Variants in ADHFE1 observed in about 807,000 individuals in gnomAD.
ADHFE1 encodes alcohol dehydrogenase iron containing 1, also known as hydroxyacid-oxoacid transhydrogenase, mitochondrial.
Under a neutral mutation model 54.8 loss-of-function variants are expected in ADHFE1, and 37 were observed. The ratio of observed to expected loss-of-function variants is 0.68; its 90% CI spans 0.52 to 0.89. The LOEUF is 0.89. Ranked by LOEUF, ADHFE1 falls within the 40% of genes least tolerant of loss-of-function variation. The probability of loss-of-function intolerance (pLI) is 0.00; values close to 1 mark genes in which losing one functional copy is unlikely to be tolerated. For missense variants in ADHFE1, 601 were observed against 591.2 expected, an observed-to-expected ratio of 1.02 and a Z score of -0.17; for synonymous variants, 203 against 229.3, an observed-to-expected ratio of 0.89 and a Z score of 1.04.
rs745324789 is a variant in ADHFE1 at position 66,448,878 on chromosome 8, A to G, written c.642A>G (p.Arg214=). ...HLKVKIGITS[R]AIKPTLGLID... Reference sequence around the variant, plus strand: ...CTTATGTTTTAGGCATCACTTCGAGAGCCATCAAACCCACACTGGGACTGA... The same window carrying G: ...CTTATGTTTTAGGCATCACTTCGAGGGCCATCAAACCCACACTGGGACTGA... Residue 214 remains arginine (R), a synonymous_variant, in exon 8 of 14, where the codon AGA becomes AGG. Coordinates refer to ENST00000396623, the MANE Select transcript of ADHFE1 (RefSeq NM_144650.3). 1.2e-6 allele frequency: 2 copies of G among 1,614,106 alleles called. No individual in the cohort carries two copies. Among genetic ancestry groups the G allele is most frequent in the Non-Finnish European group, 1.7e-6 (2 of 1,180,012 alleles).
At chr8:66,435,452 C>T (rs2130328210) in intron 1 of ADHFE1, among the ~76,000 whole-genome samples, 1 of 152,230 alleles carries the variant, frequency 6.6e-6, no homozygotes, top group South Asian at 2.1e-4. Flanking sequence ...TGGCCCCTTC[C>T]TCCATCTTCA....
chr8:66,451,802 G>A (rs1806315808), intron 8 of ADHFE1, 151 bp from the exon 9 acceptor site: 1 of 785,246 alleles, frequency 1.3e-6, no homozygotes, highest in Non-Finnish European at 1.9e-6. Context: ...GGCAAGAGGT[G>A]GGCTGGTAGA....
chr8:66,438,405 G>A (rs1342229336), intron 1 of ADHFE1, among the ~76,000 whole-genome samples: 1 of 152,176 alleles, frequency 6.6e-6, no homozygotes, highest in African/African-American at 2.4e-5. Context: ...AATGGGCAGA[G>A]TGGAAAAGGA....
intron 1 of ADHFE1, among the ~76,000 whole-genome samples, chr8:66,436,808 C>T (rs560404468): frequency 6.6e-6 from 1 of 152,148 alleles, no homozygotes; most frequent in South Asian, 2.1e-4. Flanking sequence ...GGTCAGGAGT[C>T]AAAATCATGA....
At position 66,448,869 on chromosome 8, in the gene ADHFE1, C is replaced by G. The variant is rs1485268158; in HGVS notation, c.633C>G (p.Ile211Met). 3 of 1,613,626 alleles carry G rather than the reference C, an allele frequency of 1.9e-6. No individual in the cohort carries two copies. ...DYEHLKVKIG[I>M]TSRAIKPTLG... is the part of the protein sequence containing the mutation. ...CTGAAAATCCTTATGTTTTAGGCAT[C>G]ACTTCGAGAGCCATCAAACCCACAC... Residue 211 changes from isoleucine to methionine, a missense_variant, in exon 8 of 14, where the codon ATC becomes ATG. Coordinates refer to ENST00000396623, the MANE Select transcript of ADHFE1 (RefSeq NM_144650.3).
chr8:66,457,050 C>G lies in ADHFE1; in HGVS notation c.1066-20C>G, dbSNP rs775381040. On this transcript the variant is annotated intron_variant, in intron 11 of 13. Transcript: ENST00000396623. ...AACAGCTTTGTCATCTGCCGGTCAC[C>G]GCATTTCGTTTCTCCCCAGCCCCAT... 6.2e-7 allele frequency: 1 copy of G among 1,607,338 alleles called. No homozygotes were observed. The highest frequency in any genetic ancestry group is 2.2e-5 in the East Asian group (1 of 44,832).
chr8:66,452,031 G>A lies in ADHFE1; in HGVS notation c.813G>A (p.Ala271=), dbSNP rs142276390. 540 of 1,614,182 alleles carry A rather than the reference G, an allele frequency of 3.3e-4. 2 individuals are homozygous for A. In the African/African-American group the frequency reaches 6.3e-3, roughly 19 times the overall value. Residue 271 remains alanine, a synonymous_variant, in exon 9 of 14, where the codon GCG becomes GCA. Transcript: ENST00000396623. ...CTTCAAATCCCATCACACGGCCTGCGTACCAGGGCAGCAACCCAATCAGTG... is the reference window on the plus strand; with the variant it reads ...CTTCAAATCCCATCACACGGCCTGCATACCAGGGCAGCAACCCAATCAGTG... ...PCPSNPITRP[A]YQGSNPISDI... is the part of the protein sequence containing the mutation.
chr8:66,463,456 G>A (rs1486716371), intron 13 of ADHFE1, among the ~76,000 whole-genome samples: 2 of 152,180 alleles, frequency 1.3e-5, no homozygotes, highest in African/African-American at 4.8e-5. Flanking sequence ...TCATGATTCA[G>A]AGAAATATAG....
chr8:66,452,218 C>T (rs914069368), intron 9 of ADHFE1, 113 bp downstream of exon 9: 44 of 1,395,170 alleles, frequency 3.2e-5, no homozygotes, highest in Non-Finnish European at 4.0e-5. Flanking sequence ...TCCAGAAAAG[C>T]AGTCAGTGGA....
At position 66,439,129 on chromosome 8, in the gene ADHFE1, C is replaced by G; in HGVS notation, c.60-1033C>G. ...ACTCGCGCCAGCTCTCACTCGCCCC[C>G]GCGTCTGCTTTGACTTCGCAGTTCG... is the stretch of plus-strand genomic sequence containing the variant. On this transcript the variant is annotated intron_variant, in intron 1 of 13. Transcript: ENST00000396623. The surrounding 1 kb of genome is among the most constrained non-coding windows in gnomAD (Gnocchi z 4.4). The G allele has an allele frequency of 1.1e-6, 1 of 946,322 alleles. No homozygotes were observed. Among genetic ancestry groups the G allele is most frequent in the Non-Finnish European group, 1.3e-6 (1 of 794,370 alleles). The allele number at this position is 946,322 out of a possible 1,614,324, so 58.6% of individuals were successfully genotyped here.
intron 13 of ADHFE1, among the ~76,000 whole-genome samples, chr8:66,462,321 C>G (rs1013651436): frequency 2.6e-5 from 4 of 152,200 alleles, no homozygotes; most frequent in African/African-American, 9.7e-5. Context: ...ATAATCACAG[C>G]TCACCACAGC....
At chr8:66,453,972 C>A (rs1258978076) in intron 9 of ADHFE1, 87 bp from the exon 10 acceptor site, 11 of 1,532,844 alleles carry the variant, frequency 7.2e-6, no homozygotes, top group African/African-American at 1.4e-5. Context: ...CTTTTTTTTT[C>A]ACCATATCTT....
intron 2 of ADHFE1, among the ~76,000 whole-genome samples, chr8:66,442,399 C>A (rs1805802565): frequency 2.0e-5 from 3 of 151,434 alleles, no homozygotes; most frequent in South Asian, 2.1e-4. Context: ...CAAGCTCCAC[C>A]TCCCAGGTTC....
Position 66,468,572 on chromosome 8 carries a change from C to A in ADHFE1, c.*220C>A. ...GACCACTATGTTAGACCCCCAGGCT[C>A]GACTTCAGGGGTCAGTGTTCCTGTC... On this transcript the variant is annotated 3_prime_UTR_variant, in exon 14 of 14. Transcript: ENST00000396623. 3.4e-6 allele frequency: 1 copy of A among 294,704 alleles called. No individual in the cohort carries two copies. The highest frequency in any genetic ancestry group is 6.3e-6 in the Non-Finnish European group (1 of 158,790). 18.3% of individuals were successfully genotyped at this position (294,704 alleles called of 1,614,324 possible). A position where few individuals can be genotyped will look rare whatever the true frequency, so the allele number is the denominator to read the frequency against.
chr8:66,446,664 G>A (rs1407648637), intron 6 of ADHFE1, among the ~76,000 whole-genome samples: 1 of 152,190 alleles, frequency 6.6e-6, no homozygotes, highest in Non-Finnish European at 1.5e-5. Context: ...TTATGCAGAA[G>A]CAGGCAATAT....
At chr8:66,445,485 A>G in intron 6 of ADHFE1, 71 bp downstream of exon 6, 1 of 1,424,850 alleles carries the variant, frequency 7.0e-7, no homozygotes, top group Non-Finnish European at 9.4e-7. Flanking sequence ...GATGCAAGCC[A>G]GTCCTTTTAA....
chr8:66,465,750 C>G (rs568852674), intron 13 of ADHFE1, among the ~76,000 whole-genome samples: 2 of 151,974 alleles, frequency 1.3e-5, no homozygotes, highest in East Asian at 1.9e-4. Context: ...CAGGCGTGCA[C>G]CACCACACCC....
At chr8:66,453,278 AC>A (rs1806397690) in intron 9 of ADHFE1, among the ~76,000 whole-genome samples, 1 of 152,168 alleles carries the variant, frequency 6.6e-6, no homozygotes, top group South Asian at 2.1e-4. Context: ...AGGCAGGAAC[AC>A]CCAACCATTC....
intron 3 of ADHFE1, among the ~76,000 whole-genome samples, chr8:66,444,005 T>A (rs1217682055): frequency 6.6e-6 from 1 of 152,118 alleles, no homozygotes; most frequent in East Asian, 1.9e-4. Context: ...TAGAAGACAG[T>A]AGCATTGACT....
Sources: allele counts gnomAD v4.1 joint callset (sites outside exome capture counted in the v4.1 genomes callset), GRCh38; gene constraint gnomAD v4.1.1; non-coding constraint Gnocchi (gnomAD v3.1); transcripts MANE v1.5; gene names NCBI Gene and HGNC (gene_info 2026-07-23, HGNC 2026-07-21).